Variants in NDST3 observed in about 807,000 individuals in gnomAD.
NDST3 encodes N-deacetylase and N-sulfotransferase 3.
In NDST3, 58 loss-of-function variants were observed where a neutral mutation model predicts 96.1. The ratio of observed to expected loss-of-function variants is 0.60; its 90% confidence interval spans 0.49 to 0.75. The LOEUF (loss-of-function observed/expected upper bound fraction) is 0.75, where lower values mean the gene tolerates loss of function less well. Ranked by LOEUF, NDST3 falls within the 30% of genes least tolerant of loss-of-function variation. The probability of loss-of-function intolerance (pLI) is 0.00; values close to 1 mark genes in which losing one functional copy is unlikely to be tolerated. For missense variants in NDST3, 788 were observed against 1,034.2 expected, an observed-to-expected ratio of 0.76 and a Z score of 3.27; for synonymous variants, 333 against 359.7, an observed-to-expected ratio of 0.93 and a Z score of 0.84.
intron 2 of NDST3, among the ~76,000 whole-genome samples, chr4:118,099,037 C>T (rs1456099392): frequency 6.6e-6 from 1 of 152,034 alleles, no homozygotes; most frequent in Non-Finnish European, 1.5e-5. Context: ...TAAAACTCAA[C>T]TTCTGTGTAT....
chr4:118,057,859 T>G (rs1469153711), intron 2 of NDST3, among the ~76,000 whole-genome samples: 1 of 151,988 alleles, frequency 6.6e-6, no homozygotes, highest in African/African-American at 2.4e-5. Flanking sequence ...AATTATACAG[T>G]AGCTAGAGGG....
intron 6 of NDST3, among the ~76,000 whole-genome samples, chr4:118,156,470 G>A (rs1351795695): frequency 6.6e-6 from 1 of 152,110 alleles, no homozygotes; most frequent in East Asian, 1.9e-4. Flanking sequence ...TACATTCACA[G>A]TACACTGCAA....
At chr4:118,240,425 C>T (rs968026251) in intron 10 of NDST3, 99 bp from the exon 11 acceptor site, 25 of 968,142 alleles carry the variant, frequency 2.6e-5, no homozygotes, top group Middle Eastern at 3.5e-4. Context: ...AGCAGTGAGG[C>T]ACTTCTTTCT....
chr4:118,223,161 G>A (rs567917181), intron 6 of NDST3, among the ~76,000 whole-genome samples: 16 of 151,866 alleles, frequency 1.1e-4, no homozygotes, highest in African/African-American at 3.9e-4. Context: ...AAACAAATGA[G>A]TAAAGACCAC....
intron 6 of NDST3, among the ~76,000 whole-genome samples, chr4:118,158,642 T>C (rs1734870930): frequency 6.6e-6 from 1 of 152,204 alleles, no homozygotes; most frequent in Admixed American, 6.5e-5. Context: ...TTTAATTCCA[T>C]AGATTACTTA....
At chr4:118,088,822 G>C (rs1310613705) in intron 2 of NDST3, among the ~76,000 whole-genome samples, 1 of 151,956 alleles carries the variant, frequency 6.6e-6, no homozygotes, top group Non-Finnish European at 1.5e-5. Flanking sequence ...CCTTGGTTGA[G>C]AAGTTTAGGT....
chr4:118,142,499 G>C (rs1299261089), intron 5 of NDST3, among the ~76,000 whole-genome samples: 1 of 151,518 alleles, frequency 6.6e-6, no homozygotes, highest in Non-Finnish European at 1.5e-5. Context: ...ATTTCTACAG[G>C]GTTGCAAAAC....
At chr4:118,124,748 G>C (rs183394171) in intron 4 of NDST3, among the ~76,000 whole-genome samples, 2 of 152,144 alleles carry the variant, frequency 1.3e-5, no homozygotes, top group Admixed American at 1.3e-4. Context: ...CTCTTTTCCG[G>C]AGATGAGTAA....
At chr4:118,135,645 G>A (rs1733016740) in intron 4 of NDST3, among the ~76,000 whole-genome samples, 2 of 152,156 alleles carry the variant, frequency 1.3e-5, no homozygotes, top group Non-Finnish European at 2.9e-5. Context: ...ATGAGAGCAT[G>A]AACAGCCAGA....
intron 5 of NDST3, 72 bp downstream of exon 5, chr4:118,138,311 A>G: frequency 7.4e-7 from 1 of 1,343,726 alleles, no homozygotes; most frequent in African/African-American, 1.5e-5. Flanking sequence ...AAGAAAGAAA[A>G]ACACAAATGT....
chr4:118,179,740 A>G (rs765172666), intron 6 of NDST3, among the ~76,000 whole-genome samples: 39 of 152,000 alleles, frequency 2.6e-4, no homozygotes, highest in Non-Finnish European at 4.4e-5. Flanking sequence ...CCATCTCCCC[A>G]GAAAAAAAAC....
chr4:118,101,224 T>A (rs922573602), intron 2 of NDST3, among the ~76,000 whole-genome samples: 13 of 152,214 alleles, frequency 8.5e-5, no homozygotes, highest in African/African-American at 2.6e-4. Flanking sequence ...TTTGATTTAT[T>A]CTGCTAACAA....
intron 6 of NDST3, among the ~76,000 whole-genome samples, chr4:118,185,919 C>G (rs1196323372): frequency 1.3e-5 from 2 of 152,130 alleles, no homozygotes; most frequent in Admixed American, 6.6e-5. Context: ...ACAATTTCCC[C>G]TCTAAAATTA....
intron 6 of NDST3, among the ~76,000 whole-genome samples, chr4:118,215,427 T>C (rs900549965): frequency 1.3e-5 from 2 of 152,048 alleles, no homozygotes; most frequent in African/African-American, 4.8e-5. Context: ...TTGGAAGGCA[T>C]TTTTCATGGG....
chr4:118,257,125 T>C lies in NDST3; in HGVS notation c.*1413T>C, dbSNP rs1202034637. 3 of 151,790 alleles carry C rather than the reference T, an allele frequency of 2.0e-5. No individual in the cohort carries two copies. The highest frequency in any genetic ancestry group is 7.3e-5 in the African/African-American group (3 of 41,126). The allele number at this position is 151,790 out of a possible 1,614,324, so 9.4% of individuals were successfully genotyped here. On this transcript the variant is annotated 3_prime_UTR_variant, in exon 14 of 14. Coordinates refer to ENST00000296499, the MANE Select transcript of NDST3 (RefSeq NM_004784.3). Reference sequence around the variant, plus strand: ...AGAATACATCATACTTATTTTCCTGTTAATATTTACTTAATTTTTTTTTTT... The same window carrying C: ...AGAATACATCATACTTATTTTCCTGCTAATATTTACTTAATTTTTTTTTTT...
chr4:118,035,142 G>A (rs1306457880), intron 1 of NDST3, among the ~76,000 whole-genome samples: 1 of 151,962 alleles, frequency 6.6e-6, no homozygotes, highest in Non-Finnish European at 1.5e-5. Context: ...CCATTTTGTG[G>A]GGGCAGGTAA....
chr4:118,195,813 T>C (rs145331572), intron 6 of NDST3, among the ~76,000 whole-genome samples: 2 of 152,340 alleles, frequency 1.3e-5, no homozygotes, highest in East Asian at 3.9e-4. Context: ...CGTGACTTCT[T>C]CCTTTCCAGT....
chr4:118,088,038 G>A (rs1728572989), intron 2 of NDST3, among the ~76,000 whole-genome samples: 1 of 151,974 alleles, frequency 6.6e-6, no homozygotes, highest in Admixed American at 6.6e-5. Flanking sequence ...CCTTTATTCA[G>A]ATGAAGCTGA....
intron 4 of NDST3, among the ~76,000 whole-genome samples, chr4:118,128,598 T>C (rs1480727044): frequency 1.3e-5 from 2 of 152,078 alleles, no homozygotes; most frequent in Non-Finnish European, 2.9e-5. Flanking sequence ...TAGAATTTTA[T>C]TGAGAATTTT....
Sources: gnomAD v4.1 joint callset for allele counts (sites outside exome capture counted in the v4.1 genomes callset) on GRCh38, gnomAD v4.1.1 for gene constraint, MANE v1.5 for transcripts, NCBI Gene and HGNC (gene_info 2026-07-23, HGNC 2026-07-21) for gene names.